Variants in EYS observed in about 807,000 individuals in gnomAD.
The protein encoded by EYS is EGF-like photoreceptor maintenance factor.
In EYS, 250 loss-of-function variants were observed where a neutral mutation model predicts 282.1. The observed-to-expected ratio is 0.89, with a 90% CI of 0.80 to 0.98. The LOEUF (loss-of-function observed/expected upper bound fraction) is 0.98, where lower values mean the gene tolerates loss of function less well. EYS is among the 50% of genes least tolerant of loss of function. EYS has a pLI of 0.00. For synonymous variants in EYS, 1,355 were observed against 1,282.9 expected, an observed-to-expected ratio of 1.06 and a Z score of -1.20; for missense variants, 4,016 against 3,709.0, an observed-to-expected ratio of 1.08 and a Z score of -2.15.
chr6:64,098,602 T>C (rs939269073), intron 31 of EYS, among the ~76,000 whole-genome samples: 1 of 149,142 alleles, frequency 6.7e-6, no homozygotes, highest in African/African-American at 2.6e-5. Flanking sequence ...TTTCTTTCTT[T>C]CTTTTTTTTT....
chr6:65,519,090 A>C lies in EYS; in HGVS notation c.-332-23097T>G, dbSNP rs142482940. The stretch of plus-strand genomic sequence containing the variant: ...GTTCTATCAAGCACATCCTTCTGGG[A>C]TATCCCTCTCTTTCATTGTGTTTGA... On this transcript the variant is annotated intron_variant, in intron 2 of 42. Transcript: ENST00000503581. Among the ~76,000 whole-genome samples the C allele has an allele frequency of 9.6e-4, 146 of 152,246 alleles. 5 individuals carry two copies. In the East Asian group the frequency reaches 0.026, roughly 27 times the overall value.
chr6:64,312,959 C>A (rs903311288), intron 29 of EYS, among the ~76,000 whole-genome samples: 2 of 72,990 alleles, frequency 2.7e-5, no homozygotes, highest in Admixed American at 1.6e-4. Context: ...ATTCCAAAAA[C>A]CAGAATGCCT....
chr6:65,203,968 G>A (rs909547669), intron 12 of EYS, among the ~76,000 whole-genome samples: 2 of 152,096 alleles, frequency 1.3e-5, no homozygotes, highest in South Asian at 2.1e-4. Context: ...AAGAATTTCA[G>A]AGCTTGAATA....
At chr6:64,056,226 T>G (rs1770979128) in intron 33 of EYS, among the ~76,000 whole-genome samples, 1 of 152,136 alleles carries the variant, frequency 6.6e-6, no homozygotes, top group South Asian at 2.1e-4. Flanking sequence ...ACAGACTGTT[T>G]CCAAGGAATT....
intron 22 of EYS, among the ~76,000 whole-genome samples, chr6:64,709,752 T>A (rs553458597): frequency 1.3e-5 from 2 of 152,348 alleles, no homozygotes; most frequent in African/African-American, 4.8e-5. Flanking sequence ...CACATTGTTC[T>A]CATTACAATG....
At chr6:64,541,235 T>G (rs1431027975) in intron 26 of EYS, among the ~76,000 whole-genome samples, 1 of 152,198 alleles carries the variant, frequency 6.6e-6, no homozygotes, top group African/African-American at 2.4e-5. Context: ...GGCCTCTTAC[T>G]AAGTTATCTT....
At chr6:65,485,585 G>T (rs544586869) in intron 5 of EYS, among the ~76,000 whole-genome samples, 1 of 152,146 alleles carries the variant, frequency 6.6e-6, no homozygotes, top group Admixed American at 6.5e-5. Flanking sequence ...CAAGTGGATC[G>T]CTGGAGGACA....
intron 34 of EYS, among the ~76,000 whole-genome samples, chr6:63,997,038 A>C (rs2149800751): frequency 6.6e-6 from 1 of 152,302 alleles, no homozygotes; most frequent in African/African-American, 2.4e-5. Context: ...GAATATACTT[A>C]ACAATCCCTA....
At chr6:64,668,543 CTT>C (rs35765768) in intron 22 of EYS, among the ~76,000 whole-genome samples, 117 of 76,148 alleles carry the variant, frequency 1.5e-3, no homozygotes, top group African/African-American at 3.8e-3. Flanking sequence ...TACCACAATT[CTT>C]TTTTTTTTTT....
At chr6:64,985,790 T>C (rs1443234661) in intron 14 of EYS, among the ~76,000 whole-genome samples, 3 of 151,504 alleles carry the variant, frequency 2.0e-5, no homozygotes, top group Non-Finnish European at 4.4e-5. Flanking sequence ...ACTGAATTTA[T>C]GTTCCGGAGA....
At chr6:65,280,951 G>A (rs1364195688) in intron 12 of EYS, among the ~76,000 whole-genome samples, 4 of 144,554 alleles carry the variant, frequency 2.8e-5, no homozygotes, top group South Asian at 2.2e-4. Context: ...CAGGAGAATC[G>A]CTTGAACCCA....
At chr6:64,727,948 T>C (rs115150900) in intron 22 of EYS, among the ~76,000 whole-genome samples, 2,880 of 152,316 alleles carry the variant, frequency 0.019, 108 homozygotes, top group African/African-American at 0.065. Flanking sequence ...AAGATACAAT[T>C]GAAACCACTA....
chr6:64,772,372 TG>T (rs1224524259), intron 22 of EYS, among the ~76,000 whole-genome samples: 3 of 151,768 alleles, frequency 2.0e-5, no homozygotes, highest in Non-Finnish European at 3.0e-5. Flanking sequence ...TTTGAATTTT[TG>T]TAGTTACATA....
chr6:64,692,676 T>C (rs916239778), intron 22 of EYS, among the ~76,000 whole-genome samples: 17 of 152,104 alleles, frequency 1.1e-4, no homozygotes, highest in African/African-American at 3.9e-4. Context: ...ATATGCTGAA[T>C]GGTAGGCATC....
intron 39 of EYS, among the ~76,000 whole-genome samples, chr6:63,780,760 C>A (rs1158506243): frequency 6.6e-6 from 1 of 152,130 alleles, no homozygotes; most frequent in Non-Finnish European, 1.5e-5. Flanking sequence ...TAATTAGATC[C>A]CATTTGTCAA....
At chr6:64,110,387 G>A (rs1239497010) in intron 31 of EYS, among the ~76,000 whole-genome samples, 1 of 151,922 alleles carries the variant, frequency 6.6e-6, no homozygotes, top group Non-Finnish European at 1.5e-5. Flanking sequence ...GGCACTGAGG[G>A]GATGGATATA....
chr6:65,629,583 T>G (rs1175636297), intron 2 of EYS, among the ~76,000 whole-genome samples: 2 of 152,154 alleles, frequency 1.3e-5, no homozygotes, highest in African/African-American at 2.4e-5. Context: ...TTCTTCTCCC[T>G]GTCTCATGAC....
intron 2 of EYS, among the ~76,000 whole-genome samples, chr6:65,570,915 A>G (rs1329296687): frequency 1.3e-5 from 2 of 152,096 alleles, no homozygotes; most frequent in African/African-American, 4.8e-5. Context: ...CTTTGTTTAT[A>G]TTCTAAAAGA....
At chr6:64,152,658 T>G (rs1774782476) in intron 31 of EYS, among the ~76,000 whole-genome samples, 1 of 152,194 alleles carries the variant, frequency 6.6e-6, no homozygotes, top group Admixed American at 6.5e-5. Context: ...ATAGCCATAT[T>G]CTAAGATTGT....
Sources: allele counts gnomAD v4.1 joint callset (sites outside exome capture counted in the v4.1 genomes callset), GRCh38; gene constraint gnomAD v4.1.1; transcripts MANE v1.5; gene names NCBI Gene and HGNC (gene_info 2026-07-23, HGNC 2026-07-21).